FGL1: variants seen among roughly 807,000 people sequenced by gnomAD.
FGL1 encodes the protein fibrinogen-like protein 1.
Under a neutral mutation model 43.7 loss-of-function variants are expected in FGL1, and 59 were observed. The observed-to-expected ratio is 1.35, with a 90% CI of 1.10 to 1.68. The LOEUF (loss-of-function observed/expected upper bound fraction) is 1.68. Ranked by LOEUF, FGL1 falls within the 40% of genes most tolerant of loss-of-function variation. FGL1 has a pLI of 0.00. For missense variants in FGL1, 596 were observed against 373.0 expected (o/e 1.60, Z -4.92); for synonymous variants, 192 against 126.5 (o/e 1.52, Z -3.48).
At chr8:17,877,537 T>C (rs185865463) in intron 3 of FGL1, among the ~76,000 whole-genome samples, 1 of 151,982 alleles carries the variant, frequency 6.6e-6, no homozygotes, top group Admixed American at 6.6e-5. Flanking sequence ...AGAGGTCAGC[T>C]GCCACTCCCC....
intron 3 of FGL1, among the ~76,000 whole-genome samples, chr8:17,878,200 C>T (rs935061796): frequency 6.6e-6 from 1 of 152,126 alleles, no homozygotes; most frequent in Non-Finnish European, 1.5e-5. Context: ...GTTCCTCCCA[C>T]CTCGGCCTCT....
intron 3 of FGL1, chr8:17,874,779 TG>T (rs2053420205): frequency 1.1e-5 from 3 of 279,194 alleles, no homozygotes; most frequent in Non-Finnish European, 2.0e-5. Flanking sequence ...TCTAGTTTTT[TG>T]TTTCTTTCTT....
intron 1 of FGL1, among the ~76,000 whole-genome samples, chr8:17,889,038 CA>C (rs1280954599): frequency 6.6e-6 from 1 of 152,058 alleles, no homozygotes; most frequent in Non-Finnish European, 1.5e-5. Flanking sequence ...CGTAGTTCCA[CA>C]AAGATGCCAA....
intron 5 of FGL1, among the ~76,000 whole-genome samples, 196 bp from the exon 6 acceptor site, chr8:17,869,200 T>A (rs940061890): frequency 3.9e-5 from 6 of 151,944 alleles, no homozygotes; most frequent in Admixed American, 1.3e-4. Flanking sequence ...TGAAAAAAAA[T>A]GATGGATACA....
intron 1 of FGL1, 30 bp from the exon 2 acceptor site, chr8:17,885,601 T>A: frequency 6.3e-7 from 1 of 1,593,664 alleles, no homozygotes; most frequent in Non-Finnish European, 8.6e-7. Context: ...TTTATAAATG[T>A]ATCAACCTTG....
At chr8:17,887,413 G>C (rs35001158) in intron 1 of FGL1, among the ~76,000 whole-genome samples, 2 of 152,196 alleles carry the variant, frequency 1.3e-5, no homozygotes, top group Non-Finnish European at 2.9e-5. Flanking sequence ...TTTCTGAAGA[G>C]AGGCATATTT....
chr8:17,870,790 C>T (rs2053346595), intron 5 of FGL1, among the ~76,000 whole-genome samples: 2 of 151,974 alleles, frequency 1.3e-5, no homozygotes, highest in South Asian at 2.1e-4. Flanking sequence ...CCTGTAATCC[C>T]AGCTACTCAG....
chr8:17,890,277 C>G (rs2053685668), intron 1 of FGL1, among the ~76,000 whole-genome samples: 1 of 152,208 alleles, frequency 6.6e-6, no homozygotes, highest in South Asian at 2.1e-4. Context: ...AATGAGACAA[C>G]ATTCTATACT....
intron 2 of FGL1, among the ~76,000 whole-genome samples, chr8:17,883,283 C>A (rs28654968): frequency 0.61 from 8,678 of 14,316 alleles, 3,973 homozygotes; most frequent in Middle Eastern, 0.75. Flanking sequence ...AATAATATAT[C>A]ATATATATCA....
At chr8:17,873,054 T>C (rs1356235451) in intron 5 of FGL1, among the ~76,000 whole-genome samples, 8 of 152,184 alleles carry the variant, frequency 5.3e-5, no homozygotes, top group Non-Finnish European at 2.9e-5. Context: ...AGATGAGATG[T>C]ATGTGGAAAC....
intron 2 of FGL1, chr8:17,882,712 T>TATTAAA (rs2053555423): frequency 7.2e-6 from 1 of 139,748 alleles, no homozygotes; most frequent in African/African-American, 2.6e-5. Flanking sequence ...ATATTATATA[T>TATTAAA]TATATATATT....
intron 7 of FGL1, among the ~76,000 whole-genome samples, chr8:17,866,833 G>A (rs2053276634): frequency 6.6e-6 from 1 of 152,220 alleles, no homozygotes; most frequent in South Asian, 2.1e-4. Context: ...GCTTGCAGAT[G>A]ACTTCATGAA....
chr8:17,875,653 G>A (rs1187030642), intron 3 of FGL1, among the ~76,000 whole-genome samples: 1 of 150,848 alleles, frequency 6.6e-6, no homozygotes, highest in Non-Finnish European at 1.5e-5. Flanking sequence ...CGCCCAGGCT[G>A]GAGTGCAATG....
chr8:17,890,813 C>T (rs1317299417), intron 1 of FGL1, among the ~76,000 whole-genome samples: 1 of 152,060 alleles, frequency 6.6e-6, no homozygotes, highest in Non-Finnish European at 1.5e-5. Flanking sequence ...GCAAAAGCCC[C>T]TTATAAAACC....
chr8:17,865,231 G>A (rs1231573465), intron 7 of FGL1, among the ~76,000 whole-genome samples: 13 of 152,028 alleles, frequency 8.6e-5, no homozygotes, highest in African/African-American at 1.2e-4. Context: ...AAACAAAAAC[G>A]CATCCTTGTA....
At chr8:17,865,917 C>T (rs35060734) in intron 7 of FGL1, among the ~76,000 whole-genome samples, 3,468 of 152,208 alleles carry the variant, frequency 0.023, 62 homozygotes, top group Non-Finnish European at 0.037. Flanking sequence ...TGAGCGTTCT[C>T]GAAGTCCTCC....
At chr8:17,890,733 C>G (rs1045159191) in intron 1 of FGL1, among the ~76,000 whole-genome samples, 1 of 152,250 alleles carries the variant, frequency 6.6e-6, no homozygotes, top group South Asian at 2.1e-4. Flanking sequence ...CCCCAGGAAA[C>G]TTACAGTCGT....
chr8:17,883,391 TAATA>T (rs1252874412), intron 2 of FGL1, among the ~76,000 whole-genome samples: 29 of 46,166 alleles, frequency 6.3e-4, no homozygotes, highest in African/African-American at 1.9e-3. Context: ...TACAATATAA[TAATA>T]ATATATAATA....
At chr8:17,879,080 T>A (rs980281743) in intron 3 of FGL1, among the ~76,000 whole-genome samples, 51 of 151,768 alleles carry the variant, frequency 3.4e-4, no homozygotes, top group African/African-American at 1.2e-3. Context: ...AATTAATATA[T>A]GAAAAATATT....
Sources: gnomAD v4.1 joint callset for allele counts (sites outside exome capture counted in the v4.1 genomes callset) on GRCh38, gnomAD v4.1.1 for gene constraint, MANE v1.5 for transcripts, NCBI Gene and HGNC (gene_info 2026-07-23, HGNC 2026-07-21) for gene names.